Variants in ANKRD44 observed in about 807,000 individuals in gnomAD.
ANKRD44 encodes the protein ankyrin repeat domain 44.
In ANKRD44, 35 loss-of-function variants were observed where a neutral mutation model predicts 116.0. The observed-to-expected ratio is 0.30, with a 90% CI of 0.23 to 0.40. ANKRD44 has a LOEUF of 0.40. Ranked by LOEUF, ANKRD44 falls within the 10% of genes least tolerant of loss-of-function variation. The pLI, the probability that ANKRD44 is intolerant of heterozygous loss-of-function variation, is 1.00. For synonymous variants in ANKRD44, 435 were observed against 461.8 expected (o/e 0.94, Z 0.74); for missense variants, 1,014 against 1,242.6 (o/e 0.82, Z 2.77).
At chr2:197,069,119 TA>T (rs1215290556) in intron 16 of ANKRD44, among the ~76,000 whole-genome samples, 2 of 151,990 alleles carry the variant, frequency 1.3e-5, no homozygotes, top group Admixed American at 6.6e-5. Flanking sequence ...TATGCAGCCA[TA>T]AAAAAGGATG....
At chr2:197,233,810 G>A (rs775155263) in intron 1 of ANKRD44, among the ~76,000 whole-genome samples, 1 of 152,234 alleles carries the variant, frequency 6.6e-6, no homozygotes, top group Non-Finnish European at 1.5e-5. Context: ...AAGCTGGGAT[G>A]ATGGAGGGAT....
intron 21 of ANKRD44, chr2:196,967,517 TA>T: frequency 4.7e-6 from 2 of 429,002 alleles, no homozygotes; most frequent in South Asian, 1.6e-5. Flanking sequence ...CATTTTTCGG[TA>T]AAAAAGAAAG....
chr2:197,121,621 C>T, intron 7 of ANKRD44, 77 bp from the exon 8 acceptor site: 4 of 1,276,796 alleles, frequency 3.1e-6, no homozygotes, highest in Non-Finnish European at 4.5e-6. Flanking sequence ...AGCATAACGG[C>T]TGTGGCTAGA....
intron 21 of ANKRD44, 118 bp downstream of exon 21, chr2:197,005,576 T>C: frequency 2.2e-6 from 2 of 906,270 alleles, no homozygotes; most frequent in Non-Finnish European, 3.4e-6. Flanking sequence ...ATATCTTGGA[T>C]GCAGAAAGAT....
At chr2:197,266,076 A>G (rs570486549) in intron 1 of ANKRD44, among the ~76,000 whole-genome samples, 244 of 152,284 alleles carry the variant, frequency 1.6e-3, no homozygotes, top group Non-Finnish European at 3.1e-3. Flanking sequence ...AAAGCTGTAC[A>G]TGAAGGCGTT....
intron 1 of ANKRD44, among the ~76,000 whole-genome samples, chr2:197,273,400 G>A (rs2082955218): frequency 6.6e-6 from 1 of 152,214 alleles, no homozygotes; most frequent in Non-Finnish European, 1.5e-5. Context: ...AGGTGTCTGG[G>A]AAATATCCAT....
intron 16 of ANKRD44, among the ~76,000 whole-genome samples, chr2:197,046,936 T>C (rs964648979): frequency 9.9e-5 from 15 of 152,170 alleles, no homozygotes; most frequent in African/African-American, 3.1e-4. Context: ...AAAGCATTTA[T>C]AGCTATCTAT....
chr2:196,982,167 G>C (rs1392292294), downstream of ANKRD44, among the ~76,000 whole-genome samples: 3 of 137,158 alleles, frequency 2.2e-5, no homozygotes, highest in African/African-American at 8.1e-5. Flanking sequence ...TTTTATTTGA[G>C]AGTAATATAC....
chr2:196,988,021 T>C lies in ANKRD44; in HGVS notation c.*1570A>G, dbSNP rs1030969873. ...ATCAGTTGATGTAATGAACAGTTCATTGTGAGCATGATTTCATTTCGTTCC... is the reference window on the plus strand; with the variant it reads ...ATCAGTTGATGTAATGAACAGTTCACTGTGAGCATGATTTCATTTCGTTCC... On this transcript the variant is annotated 3_prime_UTR_variant, in exon 28 of 28. Coordinates refer to ENST00000282272, the MANE Select transcript of ANKRD44 (RefSeq NM_001195144.2). The C allele has an allele frequency of 1.0e-6, 1 of 985,338 alleles. No individual in the cohort carries two copies. The highest frequency in any genetic ancestry group is 1.2e-6 in the Non-Finnish European group (1 of 829,898). The allele number at this position is 985,338 out of a possible 1,614,324, so 61.0% of individuals were successfully genotyped here.
At chr2:197,100,124 G>A (rs183596571) in intron 9 of ANKRD44, among the ~76,000 whole-genome samples, 194 bp from the exon 10 acceptor site, 201 of 152,318 alleles carry the variant, frequency 1.3e-3, no homozygotes, top group African/African-American at 3.6e-3. Flanking sequence ...GTATATCTGC[G>A]TAGACAGAAG....
intron 2 of ANKRD44, among the ~76,000 whole-genome samples, chr2:197,154,008 C>T (rs1353990773): frequency 1.3e-5 from 2 of 151,944 alleles, no homozygotes. Context: ...GAAGTAGATA[C>T]CCAAAAAAGG....
chr2:197,023,355 C>T (rs2125941505), intron 17 of ANKRD44, among the ~76,000 whole-genome samples: 1 of 152,252 alleles, frequency 6.6e-6, no homozygotes. Context: ...AACAGATTCC[C>T]TTTAACTTAC....
intron 16 of ANKRD44, among the ~76,000 whole-genome samples, chr2:197,063,280 A>G (rs1298520327): frequency 6.6e-6 from 1 of 152,212 alleles, no homozygotes; most frequent in Non-Finnish European, 1.5e-5. Context: ...CAGAAAGGAC[A>G]TCCACACCAA....
intron 13 of ANKRD44, among the ~76,000 whole-genome samples, chr2:197,083,710 A>G (rs906640431): frequency 2.0e-5 from 3 of 152,204 alleles, no homozygotes; most frequent in Admixed American, 6.5e-5. Flanking sequence ...AGTGTTCTGG[A>G]TGGTTGAGCA....
chr2:197,253,193 G>A (rs555880767), intron 1 of ANKRD44, among the ~76,000 whole-genome samples: 7 of 151,984 alleles, frequency 4.6e-5, no homozygotes, highest in East Asian at 3.9e-4. Context: ...TTTCTTTAAC[G>A]TCTTGAGGAA....
intron 1 of ANKRD44, among the ~76,000 whole-genome samples, chr2:197,270,929 A>G (rs180835563): frequency 4.6e-5 from 7 of 152,300 alleles, no homozygotes; most frequent in East Asian, 1.9e-4. Flanking sequence ...GCTTTAGAAA[A>G]TAATCTTCCA....
chr2:197,156,351 A>G (rs1224715646), intron 2 of ANKRD44, among the ~76,000 whole-genome samples: 1 of 152,168 alleles, frequency 6.6e-6, no homozygotes, highest in East Asian at 1.9e-4. Context: ...GTCTCAAAAA[A>G]AAAAAAACAG....
At chr2:196,986,491 T>C (rs1171314993), downstream of ANKRD44, among the ~76,000 whole-genome samples, 1 of 152,218 alleles carries the variant, frequency 6.6e-6, no homozygotes, top group East Asian at 1.9e-4. Context: ...CAAGCATATA[T>C]GTTTGAATTT....
At chr2:197,304,984 A>G (rs2084024883) in intron 1 of ANKRD44, among the ~76,000 whole-genome samples, 1 of 152,188 alleles carries the variant, frequency 6.6e-6, no homozygotes, top group African/African-American at 2.4e-5. Flanking sequence ...GTGAGCAAAC[A>G]TGGAGTCTAT....
Sources: allele counts gnomAD v4.1 joint callset (sites outside exome capture counted in the v4.1 genomes callset), GRCh38; gene constraint gnomAD v4.1.1; transcripts MANE v1.5; gene names NCBI Gene and HGNC (gene_info 2026-07-23, HGNC 2026-07-21).